The following GIT2 variants were observed in gnomAD, a reference collection of about 807,000 sequenced individuals.
GIT2 encodes the protein GIT ArfGAP 2, also known as ARF GTPase-activating protein GIT2.
GIT2 carries 32 observed loss-of-function variants against 100.3 expected under a neutral mutation model. That is an observed-to-expected ratio of 0.32 (90% confidence interval 0.24 to 0.43). GIT2 has a LOEUF of 0.43. Among genes scored for constraint, GIT2 ranks in the 20% least tolerant of loss-of-function variants. The pLI is 1.00. For synonymous variants in GIT2, 353 were observed against 364.1 expected (o/e 0.97, Z 0.35); for missense variants, 737 against 975.1 (o/e 0.76, Z 3.25).
chr12:109,962,603 T>C lies in GIT2; in HGVS notation c.817-918A>G, dbSNP rs1490843102. On this transcript the variant is annotated intron_variant, in intron 9 of 19. Transcript: ENST00000355312. The surrounding 1 kb of genome is among the most constrained non-coding windows in gnomAD (Gnocchi z 4.3). ...ATAATTGAGGTCTTCCTGGCCCAGA[T>C]GAGGTTAAGCCTCTTCTGGGGTGGC... is the stretch of plus-strand genomic sequence containing the variant. 6.6e-6 allele frequency among the ~76,000 whole-genome samples: 1 copy of C among 152,210 alleles called. No individual in the cohort carries two copies. The highest frequency in any genetic ancestry group is 1.5e-5 in the Non-Finnish European group (1 of 68,022).
At chr12:109,952,692 C>T in intron 13 of GIT2, 2 of 500,180 alleles carry the variant, frequency 4.0e-6, no homozygotes, top group Non-Finnish European at 8.0e-6. Context: ...TGCTCCCAGC[C>T]ATAGATTCTC....
chr12:109,986,608 CA>C (rs1286411196), intron 4 of GIT2, among the ~76,000 whole-genome samples: 2 of 151,956 alleles, frequency 1.3e-5, no homozygotes, highest in African/African-American at 2.4e-5. Flanking sequence ...ACTAAAAATA[CA>C]AAAAAATTAG....
At chr12:109,953,886 A>G (rs1418891193) in intron 12 of GIT2, 1 of 152,258 alleles carries the variant, frequency 6.6e-6, no homozygotes, top group Non-Finnish European at 1.5e-5. Context: ...CCAGGTCATG[A>G]AGATAAGGCT....
At chr12:109,984,895 CCTT>C (rs1291453890) in intron 4 of GIT2, among the ~76,000 whole-genome samples, 1 of 152,138 alleles carries the variant, frequency 6.6e-6, no homozygotes, top group Non-Finnish European at 1.5e-5. Flanking sequence ...CAGGATCCTG[CCTT>C]ATACAATACC....
In GIT2 at chr12:109,947,145, C is replaced by T. The variant is rs1173069082; in HGVS notation, c.1641+111G>A. 2.1e-5 allele frequency: 21 copies of T among 978,410 alleles called. No individual in the cohort carries two copies. The highest frequency in any genetic ancestry group is 3.3e-5 in the Non-Finnish European group (21 of 642,726). The allele number at this position is 978,410 out of a possible 1,614,324, so 60.6% of individuals were successfully genotyped here. A position where few individuals can be genotyped will look rare whatever the true frequency, so the allele number is the denominator to read the frequency against. ...ATACAGCAAACACAATGGTAACTCTCTTAGTCCAATTTGGCAAAGCAGAGC... is the reference window on the plus strand; with the variant it reads ...ATACAGCAAACACAATGGTAACTCTTTTAGTCCAATTTGGCAAAGCAGAGC... On this transcript the variant is annotated intron_variant, in intron 15 of 19. Transcript: ENST00000355312. This position sits in a 1 kb window ranked among gnomAD's most constrained non-coding sequence, Gnocchi z 4.3.
intron 12 of GIT2, chr12:109,953,486 G>A (rs911843241): frequency 2.6e-6 from 1 of 379,600 alleles, no homozygotes; most frequent in Non-Finnish European, 4.8e-6. Flanking sequence ...CAGGCCTGGT[G>A]TCACAGGCCT....
chr12:109,952,677 C>T (rs1198498911), intron 13 of GIT2: 1 of 507,314 alleles, frequency 2.0e-6, no homozygotes, highest in Non-Finnish European at 3.9e-6. Context: ...CACAGCCCCA[C>T]CTGATGCTCC....
intron 12 of GIT2, chr12:109,954,625 G>C (rs1362040873): frequency 6.6e-6 from 1 of 152,170 alleles, no homozygotes; most frequent in African/African-American, 2.4e-5. Flanking sequence ...CTAGCTGGGC[G>C]CAGGGGCTCA....
intron 7 of GIT2, among the ~76,000 whole-genome samples, chr12:109,979,751 C>A (rs1429848443): frequency 1.3e-5 from 2 of 152,106 alleles, no homozygotes; most frequent in Admixed American, 1.3e-4. Flanking sequence ...GCATTTGGTC[C>A]AGGTCTGTTA....
chr12:109,988,368 AC>A (rs1186353155), intron 4 of GIT2, among the ~76,000 whole-genome samples: 2 of 151,822 alleles, frequency 1.3e-5, no homozygotes, highest in East Asian at 1.9e-4. Flanking sequence ...CATAGCAAGA[AC>A]CCGTCTCTAC....
intron 4 of GIT2, chr12:109,983,922 G>A (rs1331491642): frequency 4.2e-6 from 2 of 481,384 alleles, no homozygotes; most frequent in South Asian, 4.9e-5. Context: ...TGTGAAGGCT[G>A]ACTTGCCCAA....
At position 109,947,594 on chromosome 12, in the gene GIT2, A is replaced by T; in HGVS notation, c.1393-90T>A. The T allele has an allele frequency of 8.3e-7, 1 of 1,207,114 alleles. No individual in the cohort carries two copies. 74.8% of individuals were successfully genotyped at this position (1,207,114 alleles called of 1,614,324 possible). A position where few individuals can be genotyped will look rare whatever the true frequency, so the allele number is the denominator to read the frequency against. ...GTAAATGAATACAACTACCAGTTTT[A>T]AACAATAAGGACAGTAACAGCTAGC... On this transcript the variant is annotated intron_variant, in intron 14 of 19. Coordinates refer to ENST00000355312, the MANE Select transcript of GIT2 (RefSeq NM_057169.5). The surrounding 1 kb of genome is among the most constrained non-coding windows in gnomAD (Gnocchi z 4.3).
At chr12:109,992,310 C>G (rs1366949634) in intron 1 of GIT2, among the ~76,000 whole-genome samples, 1 of 151,422 alleles carries the variant, frequency 6.6e-6, no homozygotes, top group Non-Finnish European at 1.5e-5. Context: ...CCACGCCCGG[C>G]TAATTTTTGT....
Position 109,980,978 on chromosome 12 carries a change from G to C in GIT2, c.692C>G (p.Ala231Gly). Reference sequence around the variant, plus strand: ...TGGTTTCCTGCCACAGAGATAGAAGGCTAGTCTGTCCGTTAGCTCATACTG... The same window carrying C: ...TGGTTTCCTGCCACAGAGATAGAAGCCTAGTCTGTCCGTTAGCTCATACTG... ...EIQYELTDRLAFYLCGRKPDH... is the reference protein window; with the variant it reads ...EIQYELTDRLGFYLCGRKPDH... Residue 231 changes from alanine to glycine, a missense_variant, in exon 7 of 20, where the codon GCC becomes GGC. Coordinates refer to ENST00000355312, the MANE Select transcript of GIT2 (RefSeq NM_057169.5). The C allele has an allele frequency of 6.2e-7, 1 of 1,609,770 alleles. No individual in the cohort carries two copies. Among genetic ancestry groups the C allele is most frequent in the South Asian group, 1.1e-5 (1 of 90,990 alleles).
In GIT2 at chr12:109,938,181, A is replaced by G. The variant is rs188362407; in HGVS notation, c.2003+199T>C. Among the ~76,000 whole-genome samples, 11 of 152,344 alleles carry G rather than the reference A, an allele frequency of 7.2e-5. No individual in the cohort carries two copies. In the East Asian group the frequency reaches 2.1e-3, roughly 29 times the overall value. ...TTTCGGAGCTTCGTAACAAGATGAA[A>G]AAAAAGAAAATACCATGTAAATCAA... On this transcript the variant is annotated intron_variant, in intron 18 of 19. Transcript: ENST00000355312.
chr12:109,931,609 C>G lies in GIT2; in HGVS notation c.*1369G>C, dbSNP rs1871638488. Reference sequence around the variant, plus strand: ...GGGGCTACTGCCCCTACTGTGTAGGCGGTGGGCTCCCCATAGTCTCCTCTG... The same window carrying G: ...GGGGCTACTGCCCCTACTGTGTAGGGGGTGGGCTCCCCATAGTCTCCTCTG... On this transcript the variant is annotated 3_prime_UTR_variant, in exon 20 of 20. Transcript: ENST00000355312. 6.6e-6 allele frequency: 1 copy of G among 152,066 alleles called. No individual in the cohort carries two copies. Among genetic ancestry groups the G allele is most frequent in the East Asian group, 1.9e-4 (1 of 5,182 alleles). The allele number at this position is 152,066 out of a possible 1,614,324, so 9.4% of individuals were successfully genotyped here. A position where few individuals can be genotyped will look rare whatever the true frequency, so the allele number is the denominator to read the frequency against.
intron 18 of GIT2, among the ~76,000 whole-genome samples, 166 bp downstream of exon 18, chr12:109,938,214 A>G (rs977475518): frequency 6.6e-6 from 1 of 152,192 alleles, no homozygotes; most frequent in African/African-American, 2.4e-5. Flanking sequence ...CAAACAAGAC[A>G]AAGCAAACCA....
intron 8 of GIT2, among the ~76,000 whole-genome samples, chr12:109,966,382 A>T (rs1882401833): frequency 6.6e-6 from 1 of 151,380 alleles, no homozygotes; most frequent in African/African-American, 2.4e-5. Flanking sequence ...GGTGGCACAC[A>T]CCCATAGTCC....
upstream of GIT2, among the ~76,000 whole-genome samples, chr12:109,997,204 C>CAAAAAAAA (rs35732772): frequency 4.6e-5 from 2 of 43,314 alleles, no homozygotes; most frequent in Admixed American, 2.6e-4. Flanking sequence ...GACTCCGTCT[C>CAAAAAAAA]AAAAAAAAAA....
Sources: gnomAD v4.1 joint callset for allele counts (sites outside exome capture counted in the v4.1 genomes callset) on GRCh38, gnomAD v4.1.1 for gene constraint, Gnocchi (gnomAD v3.1) non-coding constraint, MANE v1.5 for transcripts, NCBI Gene and HGNC (gene_info 2026-07-23, HGNC 2026-07-21) for gene names.